The following SAMMSON variants were observed in gnomAD, a reference collection of about 807,000 sequenced individuals.
SAMMSON encodes the protein long intergenic non-protein coding RNA 1212.
intron 3 of SAMMSON, among the ~76,000 whole-genome samples, chr3:70,056,118 C>T (rs2067165828): frequency 6.6e-6 from 1 of 152,016 alleles, no homozygotes; most frequent in Non-Finnish European, 1.5e-5. Flanking sequence ...CTTTCTTTCC[C>T]ATTCTTTTCC....
intron 4 of SAMMSON, among the ~76,000 whole-genome samples, chr3:70,226,013 A>G (rs563543451): frequency 6.6e-6 from 1 of 152,194 alleles, no homozygotes; most frequent in Non-Finnish European, 1.5e-5. Flanking sequence ...ATTCCTCTCT[A>G]TATTGAAGAA....
chr3:70,006,576 A>G (rs533364934), intron 1 of SAMMSON, among the ~76,000 whole-genome samples: 92 of 152,314 alleles, frequency 6.0e-4, no homozygotes, highest in African/African-American at 2.1e-3. Flanking sequence ...CTACTTCTCA[A>G]AAGGGAATAA....
At chr3:70,103,937 C>T (rs2067355578) in intron 4 of SAMMSON, among the ~76,000 whole-genome samples, 1 of 150,922 alleles carries the variant, frequency 6.6e-6, no homozygotes, top group South Asian at 2.1e-4. Context: ...CATCCTGAGA[C>T]TATTTGCATG....
At chr3:70,336,802 A>T (rs1216820869) in intron 7 of SAMMSON, among the ~76,000 whole-genome samples, 1 of 144,384 alleles carries the variant, frequency 6.9e-6, no homozygotes, top group Non-Finnish European at 1.5e-5. Context: ...AGAGTTAAAC[A>T]TAATAGAAAG....
At chr3:70,427,594 C>T (rs369281355) in intron 2 of SAMMSON, among the ~76,000 whole-genome samples, 5 of 152,070 alleles carry the variant, frequency 3.3e-5, no homozygotes, top group African/African-American at 7.2e-5. Context: ...AAAAATTAGC[C>T]GGGCATGGTG....
chr3:70,263,991 CTCT>C (rs1156280569), intron 6 of SAMMSON, among the ~76,000 whole-genome samples: 6 of 152,208 alleles, frequency 3.9e-5, no homozygotes, highest in Non-Finnish European at 5.9e-5. Flanking sequence ...GGCTCTCCTA[CTCT>C]GTCATGACTG....
intron 2 of SAMMSON, among the ~76,000 whole-genome samples, chr3:70,408,153 G>A (rs1164065722): frequency 6.6e-6 from 1 of 152,196 alleles, no homozygotes; most frequent in Non-Finnish European, 1.5e-5. Flanking sequence ...CAGGGACCCT[G>A]GGCCCTGCCC....
At chr3:70,054,458 C>T (rs2067159766) in intron 3 of SAMMSON, among the ~76,000 whole-genome samples, 2 of 152,094 alleles carry the variant, frequency 1.3e-5, no homozygotes, top group African/African-American at 4.8e-5. Context: ...CCTCTTGGAT[C>T]CTGTGTCTGT....
At chr3:70,343,566 C>T (rs1702728023) in intron 7 of SAMMSON, among the ~76,000 whole-genome samples, 1 of 152,142 alleles carries the variant, frequency 6.6e-6, no homozygotes, top group Admixed American at 6.6e-5. Flanking sequence ...TGATTCTTCT[C>T]ACATTATATC....
At chr3:70,061,051 A>G (rs2067185656) in intron 3 of SAMMSON, among the ~76,000 whole-genome samples, 1 of 152,156 alleles carries the variant, frequency 6.6e-6, no homozygotes, top group South Asian at 2.1e-4. Flanking sequence ...ATGTATGCCA[A>G]GATGCAGACA....
chr3:70,141,228 T>A (rs1462350918), intron 4 of SAMMSON, among the ~76,000 whole-genome samples: 2 of 152,158 alleles, frequency 1.3e-5, no homozygotes, highest in Non-Finnish European at 2.9e-5. Context: ...TTATGAAAAT[T>A]GGCTCACACA....
At chr3:70,081,058 T>C (rs9843437) in intron 4 of SAMMSON, among the ~76,000 whole-genome samples, 351 of 152,336 alleles carry the variant, frequency 2.3e-3, no homozygotes, top group African/African-American at 8.2e-3. Context: ...TCATTGATAC[T>C]GTCACCATCT....
intron 3 of SAMMSON, among the ~76,000 whole-genome samples, chr3:70,031,435 G>A (rs567840232): frequency 1.1e-4 from 17 of 152,088 alleles, no homozygotes; most frequent in Non-Finnish European, 2.5e-4. Flanking sequence ...TTCCATTTGG[G>A]TTGGTGAAAA....
intron 2 of SAMMSON, among the ~76,000 whole-genome samples, chr3:70,433,500 G>T (rs1333116553): frequency 6.6e-6 from 1 of 151,982 alleles, no homozygotes; most frequent in Non-Finnish European, 1.5e-5. Flanking sequence ...TTTTTAATCA[G>T]ATTGTTTACT....
intron 4 of SAMMSON, among the ~76,000 whole-genome samples, chr3:70,152,968 C>G (rs139576784): frequency 1.8e-4 from 28 of 152,150 alleles, no homozygotes; most frequent in African/African-American, 5.5e-4. Context: ...TTCACAGTCA[C>G]AACTGAATTT....
At chr3:70,012,229 C>T (rs1448653133) in intron 1 of SAMMSON, 3 of 152,044 alleles carry the variant, frequency 2.0e-5, no homozygotes, top group Non-Finnish European at 4.4e-5. Flanking sequence ...AAAAATGGCT[C>T]CTCAAAAATG....
chr3:70,125,097 G>A, intron 4 of SAMMSON: 1 of 1,068,256 alleles, frequency 9.4e-7, no homozygotes. Context: ...TTAGGATCTG[G>A]TTTTTGTCTA....
intron 9 of SAMMSON, among the ~76,000 whole-genome samples, chr3:70,380,462 A>G (rs1003593490): frequency 1.3e-5 from 2 of 152,218 alleles, no homozygotes; most frequent in Non-Finnish European, 2.9e-5. Context: ...AAAGCCCCAG[A>G]AACAATGACA....
At chr3:70,360,272 G>C (rs1702861921) in intron 9 of SAMMSON, among the ~76,000 whole-genome samples, 1 of 152,074 alleles carries the variant, frequency 6.6e-6, no homozygotes, top group Non-Finnish European at 1.5e-5. Context: ...AACTAGTAAA[G>C]TGCCAAGTTT....
Sources: gnomAD v4.1 joint callset for allele counts (sites outside exome capture counted in the v4.1 genomes callset) on GRCh38, gnomAD v4.1.1 for gene constraint, MANE v1.5 for transcripts, NCBI Gene and HGNC (gene_info 2026-07-23, HGNC 2026-07-21) for gene names.